Variants in HTR4 observed in about 807,000 individuals in gnomAD.
HTR4 encodes the protein 5-hydroxytryptamine receptor 4, also known as 5-hydroxytryptamine (serotonin) receptor 4, G protein-coupled.
Under a neutral mutation model 36.8 loss-of-function variants are expected in HTR4, and 16 were observed. The observed-to-expected ratio is 0.43, with a 90% CI of 0.29 to 0.66. The LOEUF (loss-of-function observed/expected upper bound fraction) is 0.66. HTR4 is among the 30% of genes least tolerant of loss of function. HTR4 has a pLI of 0.13. For synonymous variants in HTR4, 189 were observed against 185.1 expected (o/e 1.02, Z -0.17); for missense variants, 438 against 490.9 (o/e 0.89, Z 1.02).
At chr5:148,647,238 T>TAA (rs1228887777) in intron 1 of HTR4, among the ~76,000 whole-genome samples, 1 of 152,272 alleles carries the variant, frequency 6.6e-6, no homozygotes, top group Non-Finnish European at 1.5e-5. Context: ...TTTCTCAGTC[T>TAA]GTCATTTTCA....
chr5:148,539,552 T>A (rs987906232), intron 4 of HTR4, among the ~76,000 whole-genome samples: 19 of 152,116 alleles, frequency 1.2e-4, no homozygotes, highest in African/African-American at 4.3e-4. Context: ...CATTAAAAAA[T>A]GGTCAAAGGA....
intron 2 of HTR4, among the ~76,000 whole-genome samples, 160 bp from the exon 3 acceptor site, chr5:148,550,422 C>T (rs1015661965): frequency 1.5e-4 from 23 of 152,160 alleles, no homozygotes; most frequent in Admixed American, 5.9e-4. Flanking sequence ...CTGAACCGGT[C>T]GCTTGACATT....
intron 1 of HTR4, among the ~76,000 whole-genome samples, chr5:148,650,721 A>G (rs1053434352): frequency 1.3e-5 from 2 of 152,168 alleles, no homozygotes; most frequent in African/African-American, 4.8e-5. Context: ...CCATTACCCA[A>G]CACTGCCACC....
intron 6 of HTR4, among the ~76,000 whole-genome samples, chr5:148,487,100 A>T (rs1290628336): frequency 8.8e-6 from 1 of 114,110 alleles, no homozygotes; most frequent in Admixed American, 8.8e-5. Flanking sequence ...GCATTGTCAT[A>T]TCTTTTTTTC....
intron 2 of HTR4, among the ~76,000 whole-genome samples, chr5:148,554,202 A>C (rs1042928474): frequency 1.3e-5 from 2 of 152,030 alleles, no homozygotes; most frequent in African/African-American, 4.8e-5. Context: ...CGGGCTTCCA[A>C]GTAGCTGGGA....
intron 2 of HTR4, among the ~76,000 whole-genome samples, chr5:148,607,800 T>C (rs1752242650): frequency 1.3e-5 from 2 of 152,310 alleles, no homozygotes; most frequent in South Asian, 2.1e-4. Flanking sequence ...GCCTAAAACA[T>C]AAATGTCCCA....
chr5:148,524,009 A>G (rs1344277449), intron 4 of HTR4, among the ~76,000 whole-genome samples: 1 of 150,932 alleles, frequency 6.6e-6, no homozygotes, highest in African/African-American at 2.4e-5. Context: ...TTTTTTTTGA[A>G]TTGTGGTTCA....
intron 2 of HTR4, among the ~76,000 whole-genome samples, chr5:148,600,990 A>C (rs1761970029): frequency 1.3e-5 from 2 of 148,362 alleles, no homozygotes; most frequent in East Asian, 2.0e-4. Context: ...AAAAAAAAAA[A>C]AAAAAAAAAA....
intron 2 of HTR4, among the ~76,000 whole-genome samples, chr5:148,578,866 G>A (rs760012786): frequency 4.6e-5 from 7 of 151,974 alleles, no homozygotes; most frequent in Admixed American, 2.0e-4. Context: ...TATTGGAAAG[G>A]GCCCTTACAA....
chr5:148,618,076 CA>C (rs1269693496), intron 2 of HTR4, among the ~76,000 whole-genome samples: 5 of 152,156 alleles, frequency 3.3e-5, no homozygotes, highest in Non-Finnish European at 7.3e-5. Flanking sequence ...TCTATGTTCT[CA>C]AGAACTCTAG....
chr5:148,522,025 G>C (rs1162558299), intron 5 of HTR4, among the ~76,000 whole-genome samples: 1 of 152,130 alleles, frequency 6.6e-6, no homozygotes, highest in Non-Finnish European at 1.5e-5. Context: ...ACTGAATTAT[G>C]GGGGTGGTTT....
At chr5:148,510,969 G>C (rs1757470235) in intron 5 of HTR4, among the ~76,000 whole-genome samples, 1 of 152,172 alleles carries the variant, frequency 6.6e-6, no homozygotes, top group Non-Finnish European at 1.5e-5. Context: ...CCCAACCAGA[G>C]TTAGAACCTA....
At chr5:148,576,340 A>G (rs896644334) in intron 2 of HTR4, among the ~76,000 whole-genome samples, 4 of 151,966 alleles carry the variant, frequency 2.6e-5, no homozygotes, top group African/African-American at 9.7e-5. Flanking sequence ...AAATGAAAAA[A>G]CATCCCATGT....
intron 6 of HTR4, among the ~76,000 whole-genome samples, chr5:148,500,114 G>C (rs1756871699): frequency 6.6e-6 from 1 of 152,114 alleles, no homozygotes; most frequent in South Asian, 2.1e-4. Flanking sequence ...AGTGTATAGA[G>C]CTAAGAATTC....
chr5:148,606,991 T>C (rs1752191882), intron 2 of HTR4, among the ~76,000 whole-genome samples: 1 of 152,206 alleles, frequency 6.6e-6, no homozygotes, highest in Non-Finnish European at 1.5e-5. Flanking sequence ...TTACTGTAGA[T>C]TATTTCTGGA....
chr5:148,648,245 C>T (rs575925895), intron 1 of HTR4, among the ~76,000 whole-genome samples: 2 of 152,270 alleles, frequency 1.3e-5, no homozygotes, highest in African/African-American at 4.8e-5. Context: ...CTCAGCAATG[C>T]TCATGGAAGG....
intron 6 of HTR4, among the ~76,000 whole-genome samples, chr5:148,503,243 A>C (rs1157852003): frequency 8.5e-5 from 13 of 152,194 alleles, no homozygotes; most frequent in Non-Finnish European, 2.9e-5. Flanking sequence ...AGCCAGAGAG[A>C]AAGGTCAGGT....
intron 4 of HTR4, 80 bp from the exon 5 acceptor site, chr5:148,523,426 A>G (rs1336569793): frequency 4.1e-6 from 5 of 1,211,630 alleles, no homozygotes; most frequent in Non-Finnish European, 5.6e-6. Flanking sequence ...TATGAGAGAG[A>G]AAAGGGGAGG....
chr5:148,490,599 C>T, intron 6 of HTR4: 2 of 1,165,812 alleles, frequency 1.7e-6, no homozygotes, highest in South Asian at 1.7e-5. Flanking sequence ...AATCTACTCA[C>T]CTCTTCCCCA....
Sources: allele counts gnomAD v4.1 joint callset (sites outside exome capture counted in the v4.1 genomes callset), GRCh38; gene constraint gnomAD v4.1.1; transcripts MANE v1.5; gene names NCBI Gene and HGNC (gene_info 2026-07-23, HGNC 2026-07-21).